GRID2: variants seen among roughly 807,000 people sequenced by gnomAD.
GRID2 encodes the protein glutamate receptor ionotropic, delta-2.
GRID2 carries 33 observed loss-of-function variants against 114.8 expected under a neutral mutation model. That is an observed-to-expected ratio of 0.29 (90% confidence interval 0.22 to 0.38). The LOEUF (loss-of-function observed/expected upper bound fraction) is 0.38, where lower values mean the gene tolerates loss of function less well. Among genes scored for constraint, GRID2 ranks in the 10% least tolerant of loss-of-function variants. The pLI is 1.00. For missense variants in GRID2, 1,184 were observed against 1,257.7 expected (o/e 0.94, Z 0.89); for synonymous variants, 505 against 449.9 (o/e 1.12, Z -1.55).
At chr4:92,351,937 A>G (rs960747060) in intron 1 of GRID2, among the ~76,000 whole-genome samples, 1 of 151,784 alleles carries the variant, frequency 6.6e-6, no homozygotes, top group African/African-American at 2.4e-5. Flanking sequence ...CCATCTCTTG[A>G]CTGTTGTAAA....
chr4:93,397,792 G>A (rs1560578655), intron 9 of GRID2, among the ~76,000 whole-genome samples: 4 of 151,968 alleles, frequency 2.6e-5, no homozygotes, highest in East Asian at 3.9e-4. Context: ...CCTCTCATAT[G>A]CTTTAAAGCA....
chr4:93,537,146 C>G (rs1732171244), intron 13 of GRID2, among the ~76,000 whole-genome samples: 1 of 151,690 alleles, frequency 6.6e-6, no homozygotes, highest in Non-Finnish European at 1.5e-5. Context: ...TTTCTGAAAG[C>G]TAAAGTGTTT....
chr4:93,253,571 C>T (rs1326669530), intron 8 of GRID2, among the ~76,000 whole-genome samples: 1 of 151,632 alleles, frequency 6.6e-6, no homozygotes, highest in Non-Finnish European at 1.5e-5. Flanking sequence ...AATTAGTAAC[C>T]ATGTTGAAAT....
chr4:92,313,734 T>C (rs1364455443), intron 1 of GRID2, among the ~76,000 whole-genome samples: 1 of 152,080 alleles, frequency 6.6e-6, no homozygotes, highest in Non-Finnish European at 1.5e-5. Flanking sequence ...TTGAATTGTA[T>C]GTATGCAAAT....
intron 13 of GRID2, among the ~76,000 whole-genome samples, chr4:93,602,344 T>G (rs763826372): frequency 6.6e-6 from 1 of 152,230 alleles, no homozygotes; most frequent in African/African-American, 2.4e-5. Flanking sequence ...CTGCTTTTGA[T>G]GCATGAGTGT....
chr4:93,026,177 A>G (rs912892822), intron 2 of GRID2, among the ~76,000 whole-genome samples: 4 of 151,854 alleles, frequency 2.6e-5, no homozygotes, highest in Non-Finnish European at 5.9e-5. Flanking sequence ...TTCAGCAGTT[A>G]TAATCAATTA....
At chr4:93,449,802 A>T (rs1722507738) in intron 10 of GRID2, among the ~76,000 whole-genome samples, 1 of 152,036 alleles carries the variant, frequency 6.6e-6, no homozygotes, top group Non-Finnish European at 1.5e-5. Context: ...GTGAATGAAG[A>T]ATTAAAGGCT....
intron 14 of GRID2, among the ~76,000 whole-genome samples, chr4:93,653,214 T>C (rs938724325): frequency 6.6e-6 from 1 of 152,112 alleles, no homozygotes; most frequent in African/African-American, 2.4e-5. Flanking sequence ...AAAGGAACAA[T>C]GTGAGAACAA....
chr4:92,666,985 T>A (rs1429152968), intron 2 of GRID2, among the ~76,000 whole-genome samples: 1 of 151,394 alleles, frequency 6.6e-6, no homozygotes, highest in Non-Finnish European at 1.5e-5. Context: ...TAGAGAACAG[T>A]GTCCTTACTG....
At chr4:93,468,903 A>C (rs1458339380) in intron 11 of GRID2, among the ~76,000 whole-genome samples, 1 of 152,122 alleles carries the variant, frequency 6.6e-6, no homozygotes, top group African/African-American at 2.4e-5. Flanking sequence ...TCATGATTAT[A>C]TTTTATAGGT....
intron 2 of GRID2, among the ~76,000 whole-genome samples, chr4:92,946,700 G>A (rs1751660398): frequency 6.6e-6 from 1 of 152,000 alleles, no homozygotes; most frequent in Admixed American, 6.6e-5. Flanking sequence ...TACATCAGAT[G>A]GACAGAAAGT....
chr4:92,457,820 A>G (rs542368887), intron 1 of GRID2, among the ~76,000 whole-genome samples: 1 of 152,208 alleles, frequency 6.6e-6, no homozygotes, highest in Non-Finnish European at 1.5e-5. Flanking sequence ...TGATGAATCT[A>G]TGCCTGTCTG....
At chr4:93,631,837 G>T (rs1012712991) in intron 14 of GRID2, among the ~76,000 whole-genome samples, 1 of 152,180 alleles carries the variant, frequency 6.6e-6, no homozygotes, top group Non-Finnish European at 1.5e-5. Context: ...CACCAACAGT[G>T]TAAAAGTGTT....
At chr4:93,389,702 A>C (rs2149321113) in intron 8 of GRID2, among the ~76,000 whole-genome samples, 1 of 152,266 alleles carries the variant, frequency 6.6e-6, no homozygotes, top group East Asian at 1.9e-4. Flanking sequence ...CACAAAGGAA[A>C]CCAGTCAAAA....
chr4:92,695,950 T>C (rs973108656), intron 2 of GRID2, among the ~76,000 whole-genome samples: 1 of 152,190 alleles, frequency 6.6e-6, no homozygotes, highest in Non-Finnish European at 1.5e-5. Flanking sequence ...TTGAAATCTA[T>C]ATCTTGCACA....
At chr4:93,398,362 T>C (rs1765559395) in intron 9 of GRID2, among the ~76,000 whole-genome samples, 1 of 151,188 alleles carries the variant, frequency 6.6e-6, no homozygotes, top group African/African-American at 2.4e-5. Context: ...GTAGCAGAGT[T>C]AGGATTCAAA....
intron 14 of GRID2, among the ~76,000 whole-genome samples, chr4:93,745,853 T>C (rs916174007): frequency 2.6e-5 from 4 of 152,206 alleles, no homozygotes; most frequent in Non-Finnish European, 5.9e-5. Context: ...TTATTTTGAC[T>C]TTGTGCTGCA....
chr4:92,450,562 A>T (rs1720855006), intron 1 of GRID2, among the ~76,000 whole-genome samples: 1 of 151,996 alleles, frequency 6.6e-6, no homozygotes, highest in Non-Finnish European at 1.5e-5. Context: ...CTGTTTTTTC[A>T]GCTTCACTTT....
chr4:92,743,997 A>T (rs1277719501), intron 2 of GRID2, among the ~76,000 whole-genome samples: 2 of 151,338 alleles, frequency 1.3e-5, no homozygotes, highest in Admixed American at 6.6e-5. Flanking sequence ...TCCTTCACTT[A>T]TTTTTTTTCT....
Sources: gnomAD v4.1 joint callset for allele counts (sites outside exome capture counted in the v4.1 genomes callset) on GRCh38, gnomAD v4.1.1 for gene constraint, MANE v1.5 for transcripts, NCBI Gene and HGNC (gene_info 2026-07-23, HGNC 2026-07-21) for gene names.